The following ADGRF5 variants were observed in gnomAD, a reference collection of about 807,000 sequenced individuals.
ADGRF5 encodes adhesion G protein-coupled receptor F5, also known as G-protein coupled receptor 116.
In ADGRF5, 75 loss-of-function variants were observed where a neutral mutation model predicts 132.3. That is an observed-to-expected ratio of 0.57 (90% CI 0.47 to 0.69). The LOEUF (loss-of-function observed/expected upper bound fraction) is 0.69. Among genes scored for constraint, ADGRF5 ranks in the 30% least tolerant of loss-of-function variants. The pLI, the probability that ADGRF5 is intolerant of heterozygous loss-of-function variation, is 0.00. For synonymous variants in ADGRF5, 629 were observed against 597.6 expected, an observed-to-expected ratio of 1.05 and a Z score of -0.77; for missense variants, 1,516 against 1,630.6, an observed-to-expected ratio of 0.93 and a Z score of 1.21.
intron 1 of ADGRF5, among the ~76,000 whole-genome samples, 163 bp downstream of exon 1, chr6:46,921,550 A>T (rs1046286312): frequency 6.6e-6 from 1 of 152,212 alleles, no homozygotes; most frequent in South Asian, 2.1e-4. Flanking sequence ...TTGACTGGAC[A>T]TACTTAACTT....
chr6:46,869,423 T>G lies in ADGRF5; in HGVS notation c.1412-331A>C, dbSNP rs370795688. ...TTAGGGGTGTCGCCTTATCCCACGCTCCCCTCCAACCTCCTCTGTAACACC... is the reference window on the plus strand; with the variant it reads ...TTAGGGGTGTCGCCTTATCCCACGCGCCCCTCCAACCTCCTCTGTAACACC... On this transcript the variant is annotated intron_variant, in intron 11 of 20. Transcript: ENST00000283296. 8 of 982,854 alleles carry G rather than the reference T, an allele frequency of 8.1e-6. No individual in the cohort carries two copies. In the African/African-American group the frequency reaches 1.4e-4, roughly 17 times the overall value. The allele number at this position is 982,854 out of a possible 1,614,324, so 60.9% of individuals were successfully genotyped here. A position where few individuals can be genotyped will look rare whatever the true frequency, so the allele number is the denominator to read the frequency against.
chr6:46,913,237 C>G (rs1221173647), intron 1 of ADGRF5, among the ~76,000 whole-genome samples: 1 of 152,036 alleles, frequency 6.6e-6, no homozygotes, highest in Non-Finnish European at 1.5e-5. Context: ...GTGTCTCACG[C>G]CTTTAATCCC....
chr6:46,856,652 A>C, intron 19 of ADGRF5, 66 bp downstream of exon 19: 1 of 997,844 alleles, frequency 1.0e-6, no homozygotes, highest in Non-Finnish European at 1.6e-6. Context: ...AGTACTCTGT[A>C]CTTCAGAATG....
intron 1 of ADGRF5, among the ~76,000 whole-genome samples, chr6:46,935,609 A>C (rs1777780441): frequency 6.6e-6 from 1 of 152,192 alleles, no homozygotes; most frequent in African/African-American, 2.4e-5. Context: ...TATTAAAGGA[A>C]GGCCACGTGA....
At chr6:46,870,828 C>T (rs1226655812) in intron 11 of ADGRF5, 1 of 438,742 alleles carries the variant, frequency 2.3e-6, no homozygotes, top group Non-Finnish European at 4.6e-6. Flanking sequence ...TACCTGAAAG[C>T]ATTATTTCGC....
intron 20 of ADGRF5, among the ~76,000 whole-genome samples, chr6:46,855,245 A>G (rs975273903): frequency 6.6e-6 from 1 of 152,184 alleles, no homozygotes; most frequent in Non-Finnish European, 1.5e-5. Flanking sequence ...AGCAGGGTTG[A>G]CTGAAGTATC....
intron 3 of ADGRF5, among the ~76,000 whole-genome samples, chr6:46,892,589 A>C (rs1347315125): frequency 6.6e-6 from 1 of 152,144 alleles, no homozygotes; most frequent in Non-Finnish European, 1.5e-5. Context: ...ATCTCTACTA[A>C]AAATACAAAA....
intron 1 of ADGRF5, among the ~76,000 whole-genome samples, chr6:46,929,176 G>A (rs4642468): frequency 0.55 from 83,290 of 151,800 alleles, 23,871 homozygotes; most frequent in East Asian, 0.63. Flanking sequence ...AAAAGGATGA[G>A]TTCATGTCCT....
upstream of ADGRF5, among the ~76,000 whole-genome samples, chr6:46,925,406 A>G (rs113918480): frequency 7.3e-4 from 111 of 152,280 alleles, no homozygotes; most frequent in African/African-American, 2.6e-3. Context: ...TCTCTGGTAC[A>G]CTATAATACA....
At chr6:46,950,097 G>A (rs990850181) in intron 1 of ADGRF5, among the ~76,000 whole-genome samples, 73 of 152,282 alleles carry the variant, frequency 4.8e-4, no homozygotes, top group African/African-American at 1.7e-3. Flanking sequence ...AGCTTTGAGC[G>A]GGAAGGGACC....
Position 46,950,554 on chromosome 6 carries a change from C to T in ADGRF5, c.-25+4180G>A, listed in dbSNP as rs751774149. 5.3e-5 allele frequency among the ~76,000 whole-genome samples: 8 copies of T among 152,050 alleles called. No individual in the cohort carries two copies. The South Asian group carries it at 6.2e-4, about 12-fold the overall frequency. The stretch of plus-strand genomic sequence containing the variant: ...GTTTTGAGACAGAGTCTTGCCCTGT[C>T]GCCAGGCTGGAGTGCAGTGGCACAA... On this transcript the variant is annotated intron_variant, in intron 1 of 20. Coordinates refer to the ADGRF5 transcript ENST00000265417.
In ADGRF5 at chr6:46,878,381, A is replaced by C. The variant is rs1454555956; in HGVS notation, c.1061T>G (p.Leu354Ter). 6.2e-7 allele frequency: 1 copy of C among 1,607,952 alleles called. No individual in the cohort carries two copies. Residue 354 changes from leucine to a stop codon, truncating the protein, a stop_gained, in exon 10 of 21, where the codon TTA becomes TGA. Transcript: ENST00000283296. LOFTEE classifies it high-confidence loss of function. ...DAGEYVCKLI[L>*]DIFEYECKKK... Reference sequence around the variant, plus strand: ...CTTGCACTCATATTCAAAAATGTCTAATATCAGTTTGCAAACATATTCACC... The same window carrying C: ...CTTGCACTCATATTCAAAAATGTCTCATATCAGTTTGCAAACATATTCACC...
chr6:46,889,780 G>GTATATA (rs34974726), intron 3 of ADGRF5, among the ~76,000 whole-genome samples: 2 of 143,200 alleles, frequency 1.4e-5, no homozygotes, highest in African/African-American at 5.1e-5. Flanking sequence ...ATGTGTGTGT[G>GTATATA]TATATATATA....
intron 3 of ADGRF5, among the ~76,000 whole-genome samples, chr6:46,889,761 T>A (rs1015978500): frequency 8.1e-6 from 1 of 123,718 alleles, no homozygotes; most frequent in African/African-American, 3.0e-5. Context: ...ACACTATATA[T>A]AATATATTAT....
chr6:46,898,018 A>G (rs1398184753), intron 3 of ADGRF5, among the ~76,000 whole-genome samples: 3 of 152,236 alleles, frequency 2.0e-5, no homozygotes, highest in Non-Finnish European at 4.4e-5. Context: ...AAGAACACAG[A>G]GGTCCATGTA....
At chr6:46,891,306 T>C (rs112098) in intron 3 of ADGRF5, among the ~76,000 whole-genome samples, 53,001 of 152,168 alleles carry the variant, frequency 0.35, 11,383 homozygotes, top group East Asian at 0.52. Context: ...TGGTTAATCT[T>C]ATTTTATGTG....
chr6:46,943,732 T>C (rs1778188372), intron 1 of ADGRF5, among the ~76,000 whole-genome samples: 1 of 152,190 alleles, frequency 6.6e-6, no homozygotes. Context: ...ATTGAAAAAT[T>C]TGAGGCAGAC....
In ADGRF5 at chr6:46,853,250, T is replaced by C. The variant is rs1278190809; in HGVS notation, c.*742A>G. ...GAGGATCATATTTCCTTCCATTCATTTCTTATAAATATTGTTATCCACTTG... is the reference window on the plus strand; with the variant it reads ...GAGGATCATATTTCCTTCCATTCATCTCTTATAAATATTGTTATCCACTTG... On this transcript the variant is annotated 3_prime_UTR_variant, in exon 21 of 21. Coordinates refer to ENST00000283296, the MANE Select transcript of ADGRF5 (RefSeq NM_001098518.2). The C allele has an allele frequency of 6.6e-6, 1 of 152,184 alleles. No individual in the cohort carries two copies. Among genetic ancestry groups the C allele is most frequent in the East Asian group, 1.9e-4 (1 of 5,190 alleles). The allele number at this position is 152,184 out of a possible 1,614,324, so 9.4% of individuals were successfully genotyped here. A position where few individuals can be genotyped will look rare whatever the true frequency, so the allele number is the denominator to read the frequency against.
intron 1 of ADGRF5, among the ~76,000 whole-genome samples, chr6:46,928,534 A>C (rs1777373975): frequency 1.3e-5 from 2 of 152,014 alleles, no homozygotes; most frequent in African/African-American, 4.8e-5. Flanking sequence ...CCAGCTTCCC[A>C]CCATCTTGCT....
Sources: gnomAD v4.1 joint callset for allele counts (sites outside exome capture counted in the v4.1 genomes callset) on GRCh38, gnomAD v4.1.1 for gene constraint, MANE v1.5 for transcripts, NCBI Gene and HGNC (gene_info 2026-07-23, HGNC 2026-07-21) for gene names.